The following DSCAML1 variants were observed in gnomAD, a reference collection of about 807,000 sequenced individuals.
DSCAML1 encodes the protein DS cell adhesion molecule like 1.
Under a neutral mutation model 200.5 loss-of-function variants are expected in DSCAML1, and 38 were observed. The observed-to-expected ratio is 0.19, with a 90% CI of 0.15 to 0.25. The LOEUF is 0.25. Ranked by LOEUF, DSCAML1 falls within the 10% of genes least tolerant of loss-of-function variation. The pLI is 1.00. For missense variants in DSCAML1, 2,223 were observed against 2,858.8 expected, an observed-to-expected ratio of 0.78 and a Z score of 5.07; for synonymous variants, 1,215 against 1,165.0, an observed-to-expected ratio of 1.04 and a Z score of -0.87.
At chr11:117,491,700 G>A (rs978674596) in intron 11 of DSCAML1, among the ~76,000 whole-genome samples, 2 of 152,200 alleles carry the variant, frequency 1.3e-5, no homozygotes, top group African/African-American at 4.8e-5. Context: ...CTTGCACCCA[G>A]GAGGTGGAGG....
intron 21 of DSCAML1, among the ~76,000 whole-genome samples, chr11:117,442,088 ATG>A (rs1197698307): frequency 5.5e-5 from 8 of 145,872 alleles, no homozygotes; most frequent in South Asian, 2.4e-4. Flanking sequence ...GTGCACATGC[ATG>A]TGAGTGCATG....
At position 117,437,325 on chromosome 11, in the gene DSCAML1, C is replaced by T; in HGVS notation, c.4517G>A (p.Gly1506Glu). The change falls in exon 26 of 33, where the codon GGG (glycine) becomes GAG (glutamate). Residue 1506 changes from glycine (G) to glutamate (E), a missense_variant. This residue lies in a region of DSCAML1 where 614 missense variants were observed against 739.1 expected (regional missense o/e 0.83). Transcript: ENST00000651296. This position sits in a 1 kb window ranked among gnomAD's most constrained non-coding sequence, Gnocchi z 5.3. ...AACGATGGCTGTGATAGGGCAGCCC[C>T]CATTGTTCCAGCCCTGCAGGTTAAG... The part of the protein sequence containing the change: ...ARLNLQGWNN[G>E]GCPITAIVLE... The T allele has an allele frequency of 6.2e-7, 1 of 1,614,236 alleles. No homozygotes were observed. Among genetic ancestry groups the T allele is most frequent in the South Asian group, 1.1e-5 (1 of 91,086 alleles).
chr11:117,437,467 A>G lies in DSCAML1; in HGVS notation c.4433-58T>C, dbSNP rs73592180. On this transcript the variant is annotated intron_variant, in intron 25 of 32. Transcript: ENST00000651296. The surrounding 1 kb of genome is among the most constrained non-coding windows in gnomAD (Gnocchi z 5.3). ...GAGATTTGGTGGGAGGCAGGACTGG[A>G]CTGGGCTGGGCTGGAAAGGATTTCC... 174,779 of 1,555,602 alleles carry G rather than the reference A, an allele frequency of 0.11. 10,948 individuals carry two copies. The highest frequency in any genetic ancestry group is 0.18 in the South Asian group (14,300 of 81,698).
Position 117,428,362 on chromosome 11 carries a change from G to GC in DSCAML1, c.6127dup (p.Ala2043GlyfsTer124). The GC allele has an allele frequency of 6.3e-7, 1 of 1,584,048 alleles. No individual in the cohort carries two copies. The highest frequency in any genetic ancestry group is 8.6e-7 in the Non-Finnish European group (1 of 1,161,868). On this transcript the variant is annotated frameshift_variant, in exon 33 of 33. Coordinates refer to ENST00000651296, the MANE Select transcript of DSCAML1 (RefSeq NM_020693.4). LOFTEE classifies it high-confidence loss of function. ...GGTGTAGGATTTGGAGTAGGCCCCG[G>GC]CCCCCTGCTTCTGAGACCTCCCTAC...
At chr11:117,784,940 T>C (rs2055323775) in intron 1 of DSCAML1, among the ~76,000 whole-genome samples, 1 of 152,192 alleles carries the variant, frequency 6.6e-6, no homozygotes. Flanking sequence ...CTAAGGTTAC[T>C]GCAGGGATGG....
At chr11:117,615,078 T>C (rs1428848651) in intron 3 of DSCAML1, among the ~76,000 whole-genome samples, 3 of 152,216 alleles carry the variant, frequency 2.0e-5, no homozygotes, top group East Asian at 3.9e-4. Context: ...CTGGACCACA[T>C]GTCCTTCTAA....
chr11:117,569,033 T>C (rs2050803245), intron 3 of DSCAML1, among the ~76,000 whole-genome samples: 1 of 152,058 alleles, frequency 6.6e-6, no homozygotes, highest in South Asian at 2.1e-4. Context: ...TATAGATCAA[T>C]GGAACAGAAC....
At chr11:117,692,589 T>C (rs1405074733) in intron 3 of DSCAML1, among the ~76,000 whole-genome samples, 1 of 152,174 alleles carries the variant, frequency 6.6e-6, no homozygotes, top group Non-Finnish European at 1.5e-5. Context: ...CGTAGAGTCA[T>C]AGCCGCTATG....
intron 3 of DSCAML1, among the ~76,000 whole-genome samples, chr11:117,574,006 C>T (rs889038142): frequency 1.4e-4 from 21 of 152,208 alleles, no homozygotes; most frequent in Non-Finnish European, 1.0e-4. Flanking sequence ...TCTACCATTC[C>T]ATAGCTTTCT....
Position 117,532,404 on chromosome 11 carries a change from C to T in DSCAML1, c.630G>A (p.Gln210=). ...TKHKYSGETR[Q]SNGARLSVTD... ...TCACAGAGAGGCGTGCCCCATTGCT[C>T]TGCCGGGTCTCCCCGCTATACTTGT... Residue 210 remains glutamine, a synonymous_variant, in exon 4 of 33, where the codon CAG becomes CAA. Coordinates refer to ENST00000651296, the MANE Select transcript of DSCAML1 (RefSeq NM_020693.4). The T allele has an allele frequency of 6.2e-7, 1 of 1,614,126 alleles. No homozygotes were observed. Among genetic ancestry groups the T allele is most frequent in the Non-Finnish European group, 8.5e-7 (1 of 1,179,962 alleles).
chr11:117,724,244 C>T (rs962839089), intron 3 of DSCAML1, among the ~76,000 whole-genome samples: 1 of 152,222 alleles, frequency 6.6e-6, no homozygotes, highest in African/African-American at 2.4e-5. Context: ...GCAGCATGCA[C>T]TTCGCTGAGG....
chr11:117,785,696 G>A (rs2055340021), intron 1 of DSCAML1, among the ~76,000 whole-genome samples: 1 of 152,170 alleles, frequency 6.6e-6, no homozygotes, highest in Non-Finnish European at 1.5e-5. Context: ...ATTTTGGCTG[G>A]ACATCTATTT....
chr11:117,603,793 A>C (rs2051510755), intron 3 of DSCAML1, among the ~76,000 whole-genome samples: 1 of 152,216 alleles, frequency 6.6e-6, no homozygotes, highest in African/African-American at 2.4e-5. Flanking sequence ...AGAAAGAAAA[A>C]GGGAAATTTC....
chr11:117,785,475 A>T (rs2055334484), intron 1 of DSCAML1, among the ~76,000 whole-genome samples: 1 of 152,030 alleles, frequency 6.6e-6, no homozygotes, highest in South Asian at 2.1e-4. Context: ...TGCAGGCTGG[A>T]GCACTGGGTG....
chr11:117,667,746 A>G (rs1275141103), intron 3 of DSCAML1, among the ~76,000 whole-genome samples: 1 of 152,234 alleles, frequency 6.6e-6, no homozygotes, highest in Non-Finnish European at 1.5e-5. Flanking sequence ...TAGCACCCAG[A>G]AAAAGGTGGT....
chr11:117,619,673 G>T (rs1177333513), intron 3 of DSCAML1, among the ~76,000 whole-genome samples: 1 of 149,588 alleles, frequency 6.7e-6, no homozygotes, highest in Non-Finnish European at 1.5e-5. Context: ...ATGAAGATTT[G>T]AAAAAAAAAT....
intron 3 of DSCAML1, among the ~76,000 whole-genome samples, chr11:117,627,512 G>A (rs920983890): frequency 2.0e-5 from 3 of 152,036 alleles, no homozygotes; most frequent in East Asian, 1.9e-4. Flanking sequence ...CACCACACTC[G>A]TGCCTTCCCC....
At chr11:117,458,662 G>A (rs1481635872) in intron 19 of DSCAML1, 92 bp downstream of exon 19, 1 of 1,492,558 alleles carries the variant, frequency 6.7e-7, no homozygotes, top group African/African-American at 1.4e-5. Flanking sequence ...AGAAAGGACA[G>A]TACCCTGCTC....
intron 3 of DSCAML1, among the ~76,000 whole-genome samples, chr11:117,658,038 C>G (rs908862188): frequency 6.6e-6 from 1 of 152,136 alleles, no homozygotes; most frequent in Non-Finnish European, 1.5e-5. Flanking sequence ...CACCAAGGCA[C>G]AATGAGATGA....
Sources: gnomAD v4.1 joint callset for allele counts (sites outside exome capture counted in the v4.1 genomes callset) on GRCh38, gnomAD v4.1.1 for gene constraint, gnomAD v4.1.1 regional missense constraint, Gnocchi (gnomAD v3.1) non-coding constraint, MANE v1.5 for transcripts, NCBI Gene and HGNC (gene_info 2026-07-23, HGNC 2026-07-21) for gene names.